Variants in ATG10 observed in about 807,000 individuals in gnomAD.
The protein encoded by ATG10 is ubiquitin-like-conjugating enzyme ATG10.
ATG10 carries 30 observed loss-of-function variants against 32.1 expected under a neutral mutation model. The observed-to-expected ratio is 0.94, with a 90% CI of 0.70 to 1.27. ATG10 has a LOEUF of 1.27. Among genes scored for constraint, ATG10 ranks in the 50% most tolerant of loss-of-function variants. The pLI is 0.00. For synonymous variants in ATG10, 87 were observed against 91.5 expected, an observed-to-expected ratio of 0.95 and a Z score of 0.28; for missense variants, 233 against 262.3, an observed-to-expected ratio of 0.89 and a Z score of 0.77.
intron 2 of ATG10, among the ~76,000 whole-genome samples, chr5:82,030,194 T>C (rs935729822): frequency 7.9e-5 from 12 of 152,144 alleles, no homozygotes; most frequent in Non-Finnish European, 1.8e-4. Context: ...ATCGCAGTTG[T>C]TTGTGGGAAA....
chr5:82,085,085 C>T (rs531641518), intron 3 of ATG10, among the ~76,000 whole-genome samples: 4 of 151,936 alleles, frequency 2.6e-5, no homozygotes. Context: ...TTCAGGAGAC[C>T]CATCTCACGT....
At chr5:82,144,752 G>T (rs1420616919) in intron 3 of ATG10, among the ~76,000 whole-genome samples, 1 of 151,884 alleles carries the variant, frequency 6.6e-6, no homozygotes, top group African/African-American at 2.4e-5. Context: ...TTAATGTACT[G>T]TGTGTACTTG....
intron 2 of ATG10, among the ~76,000 whole-genome samples, chr5:82,057,989 G>A (rs1310114823): frequency 6.6e-6 from 1 of 152,164 alleles, no homozygotes; most frequent in Non-Finnish European, 1.5e-5. Flanking sequence ...GTGTAAGGGA[G>A]TAACAAGGGC....
At chr5:82,033,412 A>G (rs1762800816) in intron 2 of ATG10, among the ~76,000 whole-genome samples, 1 of 148,714 alleles carries the variant, frequency 6.7e-6, no homozygotes, top group Non-Finnish European at 1.5e-5. Flanking sequence ...ATCTCGGTTC[A>G]CTGCAACCTC....
intron 2 of ATG10, among the ~76,000 whole-genome samples, chr5:81,990,498 G>A (rs1188917341): frequency 6.6e-6 from 1 of 152,188 alleles, no homozygotes; most frequent in Non-Finnish European, 1.5e-5. Context: ...AGGATCTTTA[G>A]TAGGGAAATT....
At chr5:82,010,239 C>A in intron 2 of ATG10, 1 of 713,324 alleles carries the variant, frequency 1.4e-6, no homozygotes, top group Non-Finnish European at 2.4e-6. Flanking sequence ...GAAAAATAAC[C>A]AATTATTTCA....
chr5:81,989,842 G>A (rs988105751), intron 2 of ATG10, among the ~76,000 whole-genome samples: 3 of 151,780 alleles, frequency 2.0e-5, no homozygotes, highest in Admixed American at 1.3e-4. Context: ...TGCCTGCCTC[G>A]GCCTCCCAAA....
At chr5:82,051,458 G>A (rs1461536307) in intron 2 of ATG10, among the ~76,000 whole-genome samples, 1 of 152,128 alleles carries the variant, frequency 6.6e-6, no homozygotes, top group Non-Finnish European at 1.5e-5. Context: ...AATTAAAGAC[G>A]TGCAAATTTC....
intron 2 of ATG10, among the ~76,000 whole-genome samples, chr5:82,031,007 C>T (rs10474047): frequency 0.015 from 2,259 of 152,074 alleles, 40 homozygotes; most frequent in African/African-American, 0.051. Flanking sequence ...TTATCATCAT[C>T]GTTTTATACC....
At chr5:82,223,953 A>C (rs1433627199) in intron 5 of ATG10, among the ~76,000 whole-genome samples, 1 of 152,200 alleles carries the variant, frequency 6.6e-6, no homozygotes, top group African/African-American at 2.4e-5. Context: ...CTGTGACTAG[A>C]GAGCAAACCA....
intron 2 of ATG10, among the ~76,000 whole-genome samples, chr5:81,994,497 A>G (rs1475217703): frequency 6.6e-6 from 1 of 152,222 alleles, no homozygotes; most frequent in Non-Finnish European, 1.5e-5. Flanking sequence ...ATCCCAAAGC[A>G]GGGTTTAGAG....
intron 3 of ATG10, among the ~76,000 whole-genome samples, chr5:82,129,236 C>G (rs746031611): frequency 2.0e-5 from 3 of 151,886 alleles, no homozygotes; most frequent in Non-Finnish European, 4.4e-5. Flanking sequence ...TTCTAGTTAG[C>G]AATTTCTCTA....
intron 3 of ATG10, among the ~76,000 whole-genome samples, chr5:82,149,900 G>T (rs1046620631): frequency 6.6e-6 from 1 of 152,060 alleles, no homozygotes. Flanking sequence ...TGGGTATAAG[G>T]CTGAGTCTGA....
At chr5:82,220,331 C>T (rs1305603186) in intron 5 of ATG10, among the ~76,000 whole-genome samples, 2 of 150,172 alleles carry the variant, frequency 1.3e-5, no homozygotes, top group Admixed American at 6.6e-5. Context: ...GGCGCAGTTT[C>T]GGCTCACTGC....
At position 82,048,419 on chromosome 5, in the gene ATG10, G is replaced by A. The variant is rs185470243; in HGVS notation, c.109-10076G>A. 2.6e-3 allele frequency among the ~76,000 whole-genome samples: 389 copies of A among 151,404 alleles called. 1 individual carries two copies. Among genetic ancestry groups the A allele is most frequent in the African/African-American group, 8.2e-3 (338 of 41,178 alleles). The stretch of plus-strand genomic sequence containing the variant: ...TGAGCAGTGGTTTGTAGTTCTCCTT[G>A]AAGAGGTCCTTCACATCCCTTGTAA... On this transcript the variant is annotated intron_variant, in intron 2 of 7. Coordinates refer to ENST00000282185, the MANE Select transcript of ATG10 (RefSeq NM_031482.5).
intron 3 of ATG10, among the ~76,000 whole-genome samples, chr5:82,081,568 A>AG (rs1407292783): frequency 1.3e-5 from 2 of 152,178 alleles, no homozygotes; most frequent in African/African-American, 2.4e-5. Flanking sequence ...TTTAGCATGA[A>AG]GGCTGTTGAA....
At chr5:82,167,502 ATGG>A (rs1482816630) in intron 4 of ATG10, among the ~76,000 whole-genome samples, 2 of 152,222 alleles carry the variant, frequency 1.3e-5, no homozygotes, top group Non-Finnish European at 1.5e-5. Flanking sequence ...AAACATTGTG[ATGG>A]TGCCTACTTC....
In ATG10 at chr5:82,107,768, T is replaced by G. The variant is rs1765487810; in HGVS notation, c.216+49166T>G. ...TATTCTTCAATAATTTATAATTTAGTTGGAGAGAAAGAAATGTAAATATCC... is the reference window on the plus strand; with the variant it reads ...TATTCTTCAATAATTTATAATTTAGGTGGAGAGAAAGAAATGTAAATATCC... On this transcript the variant is annotated intron_variant, in intron 3 of 7. Transcript: ENST00000282185. Among the ~76,000 whole-genome samples, 3 of 152,020 alleles carry G rather than the reference T, an allele frequency of 2.0e-5. No homozygotes were observed. In the South Asian group the frequency reaches 6.2e-4, roughly 32 times the overall value.
In ATG10 at chr5:82,061,779, C is replaced by CATATATAT. The variant is rs10656029; in HGVS notation, c.216+3183_216+3190dup. ...GTATATACATATATATACATGTACA[C>CATATATAT]ATATATATATATACGTATACATACA... On this transcript the variant is annotated intron_variant, in intron 3 of 7. Transcript: ENST00000282185. Among the ~76,000 whole-genome samples the CATATATAT allele has an allele frequency of 1.9e-3, 259 of 135,380 alleles. 2 individuals are homozygous for CATATATAT. Among genetic ancestry groups the CATATATAT allele is most frequent in the East Asian group, 6.4e-3 (31 of 4,850 alleles). The allele number at this position is 135,380 out of a possible 152,430, so 88.8% of individuals were successfully genotyped here.
Sources: gnomAD v4.1 joint callset for allele counts (sites outside exome capture counted in the v4.1 genomes callset) on GRCh38, gnomAD v4.1.1 for gene constraint, MANE v1.5 for transcripts, NCBI Gene and HGNC (gene_info 2026-07-23, HGNC 2026-07-21) for gene names.